Variants in RABGEF1 observed in about 807,000 individuals in gnomAD.
RABGEF1 encodes RAB guanine nucleotide exchange factor 1.
Under a neutral mutation model 57.3 loss-of-function variants are expected in RABGEF1, and 26 were observed. The ratio of observed to expected loss-of-function variants is 0.45; its 90% CI spans 0.33 to 0.63. The LOEUF is 0.63. RABGEF1 is among the 20% of genes least tolerant of loss of function. RABGEF1 has a pLI of 0.02. For synonymous variants in RABGEF1, 185 were observed against 210.7 expected, an observed-to-expected ratio of 0.88 and a Z score of 1.06; for missense variants, 464 against 607.6, an observed-to-expected ratio of 0.76 and a Z score of 2.48.
chr7:66,779,521 A>G (rs2129133112), intron 3 of RABGEF1, among the ~76,000 whole-genome samples: 1 of 152,116 alleles, frequency 6.6e-6, no homozygotes, highest in East Asian at 1.9e-4. Flanking sequence ...AAGAAAAAAA[A>G]ATTAAAAAAT....
At chr7:66,799,691 T>C (rs1786836681) in intron 7 of RABGEF1, among the ~76,000 whole-genome samples, 1 of 152,154 alleles carries the variant, frequency 6.6e-6, no homozygotes, top group African/African-American at 2.4e-5. Context: ...CTTTTTTTTG[T>C]ACTTCTTTTT....
intron 1 of RABGEF1, among the ~76,000 whole-genome samples, chr7:66,686,688 C>T (rs537706303): frequency 6.2e-4 from 94 of 152,272 alleles, no homozygotes; most frequent in African/African-American, 2.1e-3. Context: ...TTGGATAAAG[C>T]TCCTAAAATG....
chr7:66,684,467 A>AAAACG (rs1790288545), intron 1 of RABGEF1, among the ~76,000 whole-genome samples: 1 of 151,842 alleles, frequency 6.6e-6, no homozygotes, highest in African/African-American at 2.4e-5. Context: ...AAAACAAAAC[A>AAAACG]AAAACAAGAA....
chr7:66,736,166 C>G (rs1407260543), upstream of RABGEF1, among the ~76,000 whole-genome samples: 1 of 152,188 alleles, frequency 6.6e-6, no homozygotes. Flanking sequence ...TAGATAGACT[C>G]AAGACCCCTA....
intron 2 of RABGEF1, among the ~76,000 whole-genome samples, chr7:66,716,402 C>A (rs1382512315): frequency 1.3e-5 from 2 of 152,124 alleles, no homozygotes; most frequent in Non-Finnish European, 2.9e-5. Context: ...GAGTTTGAGA[C>A]CAGCCTGGGC....
chr7:66,674,994 A>G, the RABGEF1 span, among the ~76,000 whole-genome samples: 1 of 151,958 alleles, frequency 6.6e-6, no homozygotes, highest in East Asian at 1.9e-4. Flanking sequence ...ATATTTTTCC[A>G]TTACACTTAC....
At chr7:66,715,216 C>T (rs758888390) in intron 2 of RABGEF1, among the ~76,000 whole-genome samples, 12 of 152,140 alleles carry the variant, frequency 7.9e-5, no homozygotes, top group Non-Finnish European at 1.3e-4. Context: ...CATCCTCAAA[C>T]TCATGGGCTC....
At chr7:66,667,884 A>G in the RABGEF1 span, among the ~76,000 whole-genome samples, 10 of 151,654 alleles carry the variant, frequency 6.6e-5, no homozygotes, top group East Asian at 1.5e-3. Context: ...TGCAACCTCT[A>G]CCTCCCGGGT....
At chr7:66,760,852 C>T (rs62466851) in intron 1 of RABGEF1, among the ~76,000 whole-genome samples, 5,566 of 152,012 alleles carry the variant, frequency 0.037, 157 homozygotes, top group East Asian at 0.084. Flanking sequence ...TGGTCTTGAA[C>T]GCTTGACTTT....
chr7:66,791,937 C>A (rs1415688469), intron 4 of RABGEF1, among the ~76,000 whole-genome samples: 1 of 152,030 alleles, frequency 6.6e-6, no homozygotes, highest in African/African-American at 2.4e-5. Flanking sequence ...GATGGTGAAA[C>A]CCTGTCTCTA....
chr7:66,667,670 A>G, the RABGEF1 span: 5 of 152,358 alleles, frequency 3.3e-5, no homozygotes, highest in African/African-American at 1.2e-4. Flanking sequence ...ATTGGTATTA[A>G]TAAGCCTGTC....
intron 2 of RABGEF1, among the ~76,000 whole-genome samples, chr7:66,728,750 C>T (rs1174788923): frequency 6.6e-5 from 9 of 136,150 alleles, no homozygotes; most frequent in East Asian, 2.3e-4. Flanking sequence ...ATCCTCACCT[C>T]GACCCTCACC....
intron 6 of RABGEF1, among the ~76,000 whole-genome samples, chr7:66,798,235 C>T (rs1786469661): frequency 6.6e-6 from 1 of 152,188 alleles, no homozygotes; most frequent in African/African-American, 2.4e-5. Context: ...TCCCACAGCA[C>T]CCAGTCTTCC....
chr7:66,722,400 A>C (rs1255926659), intron 2 of RABGEF1, among the ~76,000 whole-genome samples: 3 of 152,266 alleles, frequency 2.0e-5, no homozygotes, highest in Non-Finnish European at 2.9e-5. Context: ...AGATTGTGCC[A>C]TTGCACGCCA....
intron 5 of RABGEF1, among the ~76,000 whole-genome samples, 195 bp downstream of exon 5, chr7:66,795,787 T>C (rs1304644942): frequency 6.6e-5 from 10 of 152,168 alleles, no homozygotes; most frequent in Admixed American, 6.5e-4. Context: ...CCAGGAGCAA[T>C]TGGATAATTT....
At chr7:66,673,343 A>G in the RABGEF1 span, among the ~76,000 whole-genome samples, 34 of 151,854 alleles carry the variant, frequency 2.2e-4, no homozygotes, top group Non-Finnish European at 2.5e-4. Context: ...GTCGTTCCCC[A>G]TTGTCATTAG....
Position 66,771,239 on chromosome 7 carries a change from C to G in RABGEF1, c.-17-644C>G, listed in dbSNP as rs1041487340. ...CTGCAGGCTCTGCCTCCCAGGTTCA[C>G]GTGATTCTCCTGCCTCAGCCTCCTG... is the stretch of plus-strand genomic sequence containing the variant. On this transcript the variant is annotated intron_variant, in intron 1 of 8. Transcript: ENST00000284957. Among the ~76,000 whole-genome samples, 6 of 152,160 alleles carry G rather than the reference C, an allele frequency of 3.9e-5. No homozygotes were observed. In the South Asian group the frequency reaches 1.2e-3, roughly 32 times the overall value.
chr7:66,726,849 C>T (rs1796639451), intron 2 of RABGEF1, among the ~76,000 whole-genome samples: 1 of 151,918 alleles, frequency 6.6e-6, no homozygotes, highest in Admixed American at 6.6e-5. Context: ...ACTAAAAATA[C>T]AAAAATTAGC....
the RABGEF1 span, among the ~76,000 whole-genome samples, chr7:66,659,632 C>G: frequency 1.3e-5 from 2 of 151,478 alleles, no homozygotes; most frequent in East Asian, 3.9e-4. Flanking sequence ...ATACAAAAAT[C>G]AGCTGGTTGT....
Sources: gnomAD v4.1 joint callset for allele counts (sites outside exome capture counted in the v4.1 genomes callset) on GRCh38, gnomAD v4.1.1 for gene constraint, MANE v1.5 for transcripts, NCBI Gene and HGNC (gene_info 2026-07-23, HGNC 2026-07-21) for gene names.